SELENOP: variants seen among roughly 807,000 people sequenced by gnomAD.
SELENOP encodes selenoprotein P.
SELENOP carries 36 observed loss-of-function variants against 41.0 expected under a neutral mutation model. That is an observed-to-expected ratio of 0.88 (90% CI 0.67 to 1.16). SELENOP has a LOEUF of 1.16. Among genes scored for constraint, SELENOP ranks in the 50% most tolerant of loss-of-function variants. The probability of loss-of-function intolerance (pLI) is 0.00; values close to 1 mark genes in which losing one functional copy is unlikely to be tolerated. For missense variants in SELENOP, 440 were observed against 454.2 expected (o/e 0.97, Z 0.28); for synonymous variants, 144 against 150.8 (o/e 0.95, Z 0.33).
Position 42,801,082 on chromosome 5 carries a change from C to A in SELENOP, c.784G>T (p.Asp262Tyr), listed in dbSNP as rs767699870. Reference sequence around the variant, plus strand: ...TGTAAATCTTCACTTGCTGGCATATCTCGGTTCTCTGGGTGACCCTGCCTA... The same window carrying A: ...TGTAAATCTTCACTTGCTGGCATATATCGGTTCTCTGGGTGACCCTGCCTA... ...QHRQGHPENR[D>Y]MPASEDLQDL... is the part of the protein sequence containing the mutation. Residue 262 changes from aspartate (D) to tyrosine (Y), a missense_variant, in exon 5 of 5, where the codon GAT (aspartate) becomes TAT (tyrosine). Coordinates refer to ENST00000514985, the MANE Select transcript of SELENOP (RefSeq NM_005410.4). The A allele has an allele frequency of 3.7e-6, 6 of 1,614,164 alleles. No individual in the cohort carries two copies. The highest frequency in any genetic ancestry group is 4.2e-6 in the Non-Finnish European group (5 of 1,180,032).
Position 42,804,787 on chromosome 5 carries a change from C to G in SELENOP, c.417-14G>C. 1 of 1,404,256 alleles carries G rather than the reference C, an allele frequency of 7.1e-7. No individual in the cohort carries two copies. The highest frequency in any genetic ancestry group is 1.0e-6 in the Non-Finnish European group (1 of 994,118). The allele number at this position is 1,404,256 out of a possible 1,614,324, so 87.0% of individuals were successfully genotyped here. ...AGACGGCCACATCTAAGAAAAAGGA[C>G]AAATACAATGTCACTATAATATTTT... On this transcript the variant is annotated splice_polypyrimidine_tract_variant and intron_variant, in intron 3 of 4. Coordinates refer to ENST00000514985, the MANE Select transcript of SELENOP (RefSeq NM_005410.4).
At chr5:42,802,223 T>C (rs1760222900) in intron 4 of SELENOP, 1 of 152,222 alleles carries the variant, frequency 6.6e-6, no homozygotes, top group Admixed American at 6.5e-5. Context: ...CCTAGTTCTT[T>C]AATTTACTGG....
At chr5:42,807,737 A>C (rs1013676540) in intron 2 of SELENOP, 2 of 154,520 alleles carry the variant, frequency 1.3e-5, no homozygotes, top group African/African-American at 2.4e-5. Flanking sequence ...TAACTCAACA[A>C]ATATTTTTTA....
intron 4 of SELENOP, chr5:42,802,269 G>A (rs766090267): frequency 6.6e-6 from 1 of 152,126 alleles, no homozygotes; most frequent in Non-Finnish European, 1.5e-5. Flanking sequence ...ACTAATCAGA[G>A]ACTCAAAGCC....
intron 1 of SELENOP, among the ~76,000 whole-genome samples, chr5:42,811,082 A>C (rs1579740279): frequency 6.6e-6 from 1 of 152,194 alleles, no homozygotes; most frequent in Non-Finnish European, 1.5e-5. Flanking sequence ...TCACTATGTC[A>C]CCACTTTTCA....
At chr5:42,809,794 G>A (rs1579739053) in intron 1 of SELENOP, 3 of 955,708 alleles carry the variant, frequency 3.1e-6, no homozygotes, top group Middle Eastern at 5.3e-4. Flanking sequence ...CTTAACTAGA[G>A]AGAGTGAGGT....
intron 4 of SELENOP, among the ~76,000 whole-genome samples, chr5:42,802,836 A>G (rs1342561467): frequency 5.3e-5 from 8 of 152,222 alleles, no homozygotes; most frequent in Admixed American, 1.3e-4. Context: ...GTCTCGATCT[A>G]TTGACCTCGT....
At chr5:42,811,708 AT>A (rs1411088212) in intron 1 of SELENOP, 127 bp downstream of exon 1, 1 of 152,182 alleles carries the variant, frequency 6.6e-6, no homozygotes, top group African/African-American at 2.4e-5. Context: ...CTCTTTTATT[AT>A]TTTTATTTCC....
At position 42,804,760 on chromosome 5, in the gene SELENOP, C is replaced by G; in HGVS notation, c.430G>C (p.Val144Leu). 6.3e-7 allele frequency: 1 copy of G among 1,592,844 alleles called. No individual in the cohort carries two copies. Among genetic ancestry groups the G allele is most frequent in the Non-Finnish European group, 8.6e-7 (1 of 1,162,920 alleles). ...GAAAAAGGCAAACCAAGATGATATA[C>G]AAGACGGCCACATCTAAGAAAAAGG... is the stretch of plus-strand genomic sequence containing the variant. ...FLIYDRCGRL[V>L]YHLGLPFSFL... Residue 144 changes from valine to leucine, a missense_variant, in exon 4 of 5, where the codon GTA (valine) becomes CTA (leucine). Val to Leu is a conservative substitution (Grantham distance 32, BLOSUM62 1). Transcript: ENST00000514985.
At chr5:42,810,614 C>T in intron 1 of SELENOP, 1 of 159,086 alleles carries the variant, frequency 6.3e-6, no homozygotes, top group South Asian at 1.8e-4. Flanking sequence ...CTCTCGCCAC[C>T]ACGTCCTGCT....
Position 42,801,065 on chromosome 5 carries a change from T to C in SELENOP, c.801A>G (p.Glu267=). The C allele has an allele frequency of 6.2e-7, 1 of 1,614,210 alleles. No homozygotes were observed. Among genetic ancestry groups the C allele is most frequent in the Non-Finnish European group, 8.5e-7 (1 of 1,180,016 alleles). ...HPENRDMPAS[E]DLQDLQKKLC... ...GCTTCTTTTGTAAATCTTGTAAATC[T>C]TCACTTGCTGGCATATCTCGGTTCT... Residue 267 remains glutamate, a synonymous_variant, in exon 5 of 5, where the codon GAA becomes GAG. Coordinates refer to ENST00000514985, the MANE Select transcript of SELENOP (RefSeq NM_005410.4).
chr5:42,801,279 T>G lies in SELENOP; in HGVS notation c.587A>C (p.Lys196Thr). 6.2e-7 allele frequency: 1 copy of G among 1,613,974 alleles called. No individual in the cohort carries two copies. The highest frequency in any genetic ancestry group is 8.5e-7 in the Non-Finnish European group (1 of 1,179,962). The change falls in exon 5 of 5, where the codon AAA becomes ACA. Residue 196 changes from lysine to threonine, a missense_variant. By Grantham distance (78) the Lys-to-Thr change is moderately conservative. Transcript: ENST00000514985. ...CKRVSLATVD[K>T]TVETPSPHYH... Reference sequence around the variant, plus strand: ...ATGAGGCGATGGAGTTTCAACTGTTTTATCCACAGTAGCCAAAGATACACG... The same window carrying G: ...ATGAGGCGATGGAGTTTCAACTGTTGTATCCACAGTAGCCAAAGATACACG...
chr5:42,804,953 G>C (rs532636395), intron 3 of SELENOP, 180 bp from the exon 4 acceptor site: 22 of 416,678 alleles, frequency 5.3e-5, no homozygotes, highest in African/African-American at 3.9e-4. Context: ...CACCAGGTCA[G>C]GTCATAGCAA....
chr5:42,807,165 G>A (rs1760351091), intron 2 of SELENOP, 57 bp from the exon 3 acceptor site: 1 of 877,344 alleles, frequency 1.1e-6, no homozygotes, highest in Non-Finnish European at 1.8e-6. Context: ...TTTGATTAGT[G>A]GTTTTTCTCC....
rs771862758 is a variant in SELENOP at position 42,801,274 on chromosome 5, C to T, written c.592G>A (p.Val198Ile). Residue 198 changes from valine (V) to isoleucine (I), a missense_variant, in exon 5 of 5, where the codon GTT becomes ATT. Coordinates refer to ENST00000514985, the MANE Select transcript of SELENOP (RefSeq NM_005410.4). ...RVSLATVDKT[V>I]ETPSPHYHHE... ...TGGTAATGAGGCGATGGAGTTTCAA[C>T]TGTTTTATCCACAGTAGCCAAAGAT... is the stretch of plus-strand genomic sequence containing the variant. The T allele has an allele frequency of 2.5e-6, 4 of 1,613,946 alleles. No individual in the cohort carries two copies. Among genetic ancestry groups the T allele is most frequent in the Admixed American group, 3.3e-5 (2 of 59,994 alleles).
chr5:42,801,936 A>T (rs1760214904), intron 4 of SELENOP: 1 of 152,288 alleles, frequency 6.6e-6, no homozygotes, highest in Non-Finnish European at 1.5e-5. Flanking sequence ...AAAAATAAAT[A>T]AAAAATCAGT....
At chr5:42,804,208 TC>T (rs1760276210) in intron 4 of SELENOP, among the ~76,000 whole-genome samples, 1 of 152,354 alleles carries the variant, frequency 6.6e-6, no homozygotes, top group South Asian at 2.1e-4. Flanking sequence ...ACGCCTGTAA[TC>T]CCAGCACTTT....
rs776331956 is a variant in SELENOP, at chr5:42,806,931, TAA to T, written c.379_380del (p.Leu127LysfsTer?). On this transcript the variant is annotated frameshift_variant, in exon 3 of 5. Coordinates refer to ENST00000514985, the MANE Select transcript of SELENOP (RefSeq NM_005410.4). LOFTEE classifies it high-confidence loss of function. ...TGAGGAAGTCATCTTTGCTTCCATT[TAA>T]AAGAGTCCAGACATCTGTTTGGTTT... ...EENQTDVWTL[L>X]NGSKDDFLIY... is the part of the protein sequence containing the mutation. 6.2e-7 allele frequency: 1 copy of T among 1,611,060 alleles called. No homozygotes were observed. Among genetic ancestry groups the T allele is most frequent in the African/African-American group, 1.3e-5 (1 of 74,894 alleles).
chr5:42,801,326 G>A lies in SELENOP; in HGVS notation c.540C>T (p.Leu180=), dbSNP rs748759793. The A allele has an allele frequency of 2.5e-6, 4 of 1,602,030 alleles. No homozygotes were observed. The highest frequency in any genetic ancestry group is 3.4e-5 in the Admixed American group (2 of 58,516). ...KKCGNCSLTT[L]KDEDFCKRVS... ...CACGTTTACAAAAGTCTTCATCTTT[G>A]AGAGTCTGGAACAAATTTATAAATC... is the stretch of plus-strand genomic sequence containing the variant. The change falls in exon 5 of 5, where the codon CTC becomes CTT. Residue 180 remains leucine (L), a synonymous_variant. Transcript: ENST00000514985.
Sources: allele counts gnomAD v4.1 joint callset (sites outside exome capture counted in the v4.1 genomes callset), GRCh38; gene constraint gnomAD v4.1.1; transcripts MANE v1.5; gene names NCBI Gene and HGNC (gene_info 2026-07-23, HGNC 2026-07-21).